FRMD8: variants seen among roughly 807,000 people sequenced by gnomAD.
FRMD8 encodes FERM domain-containing protein 8.
FRMD8 carries 37 observed loss-of-function variants against 54.2 expected under a neutral mutation model. The observed-to-expected ratio is 0.68, with a 90% CI of 0.53 to 0.90. The LOEUF (loss-of-function observed/expected upper bound fraction) is 0.90, where lower values mean the gene tolerates loss of function less well. Ranked by LOEUF, FRMD8 falls within the 40% of genes least tolerant of loss-of-function variation. FRMD8 has a pLI of 0.00. For missense variants in FRMD8, 585 were observed against 653.7 expected (o/e 0.89, Z 1.15); for synonymous variants, 246 against 286.9 (o/e 0.86, Z 1.44).
At chr11:65,385,695 C>T (rs1178806136), upstream of FRMD8, among the ~76,000 whole-genome samples, 1 of 152,212 alleles carries the variant, frequency 6.6e-6, no homozygotes, top group Non-Finnish European at 1.5e-5. Flanking sequence ...GGGAAAACCT[C>T]AAGGTCTCCC....
chr11:65,371,731 C>T, the FRMD8 span, among the ~76,000 whole-genome samples: 1 of 152,230 alleles, frequency 6.6e-6, no homozygotes, highest in Non-Finnish European at 1.5e-5. Flanking sequence ...TCTCCTGCCT[C>T]AGCCTCCCAA....
At chr11:65,376,069 CAAAAAAAAAA>C in the FRMD8 span, 2 of 108,710 alleles carry the variant, frequency 1.8e-5, no homozygotes, top group African/African-American at 5.0e-5. Flanking sequence ...GACTCCATCT[CAAAAAAAAAA>C]AAAAAAAAAA....
At chr11:65,380,204 AG>A in the FRMD8 span, 5 of 1,613,932 alleles carry the variant, frequency 3.1e-6, no homozygotes, top group Non-Finnish European at 4.2e-6. Context: ...GCTATGAGTG[AG>A]GGCCCTCGTG....
chr11:65,382,354 A>C, upstream of FRMD8: 1 of 233,754 alleles, frequency 4.3e-6, no homozygotes, highest in Non-Finnish European at 8.8e-6. The surrounding 1 kb of genome is among the most constrained non-coding windows in gnomAD (Gnocchi z 4.4). Context: ...ATCTCCACCA[A>C]GGGGCATGGC....
At chr11:65,374,305 C>CCCATGTGCCCAGGTGGAGCAGGGTAG in the FRMD8 span, among the ~76,000 whole-genome samples, 11,252 of 145,138 alleles carry the variant, frequency 0.078, 675 homozygotes, top group Non-Finnish European at 0.1. Context: ...GCAGAAGACC[C>CCCATGTGCCCAGGTGGAGCAGGGTAG]CCATGTGCCC....
chr11:65,387,266 C>G (rs765378520), intron 2 of FRMD8, 145 bp downstream of exon 2: 12 of 782,268 alleles, frequency 1.5e-5, no homozygotes, highest in Non-Finnish European at 2.4e-5. Flanking sequence ...GGAAAACTCA[C>G]AGAAGTCAGA....
chr11:65,397,651 G>A (rs760830423), intron 7 of FRMD8, among the ~76,000 whole-genome samples: 18 of 152,242 alleles, frequency 1.2e-4, no homozygotes, highest in Non-Finnish European at 2.5e-4. Flanking sequence ...GGCAGATGGC[G>A]TTGTCCTCCG....
the FRMD8 span, among the ~76,000 whole-genome samples, chr11:65,373,439 C>T: frequency 0.022 from 3,397 of 152,298 alleles, 125 homozygotes; most frequent in African/African-American, 0.078. Context: ...ATCAGGAGCC[C>T]CCAGAACACC....
chr11:65,404,811 A>G lies in FRMD8; in HGVS notation c.1072-53A>G. 6.8e-7 allele frequency: 1 copy of G among 1,472,466 alleles called. No homozygotes were observed. The highest frequency in any genetic ancestry group is 9.4e-7 in the Non-Finnish European group (1 of 1,061,478). The allele number at this position is 1,472,466 out of a possible 1,614,324, so 91.2% of individuals were successfully genotyped here. On this transcript the variant is annotated intron_variant, in intron 9 of 10. Coordinates refer to ENST00000317568, the MANE Select transcript of FRMD8 (RefSeq NM_031904.5). This position sits in a 1 kb window ranked among gnomAD's most constrained non-coding sequence, Gnocchi z 4.7. ...AGCAGAGCTCATTTCAGGCTCAGCA[A>G]CAGGCATGGAAGGGGGCCCTGGCCA...
chr11:65,379,974 TG>T, the FRMD8 span: 4 of 1,612,268 alleles, frequency 2.5e-6, no homozygotes, highest in South Asian at 4.4e-5. Context: ...GGTGGCGGGA[TG>T]GGCAGGTGGG....
chr11:65,376,454 C>A, the FRMD8 span: 5 of 1,614,224 alleles, frequency 3.1e-6, no homozygotes, highest in Non-Finnish European at 4.2e-6. Flanking sequence ...AAGGTGACAG[C>A]ATTGACGGGA....
the FRMD8 span, chr11:65,381,292 G>C: frequency 1.3e-5 from 2 of 153,636 alleles, no homozygotes; most frequent in East Asian, 3.8e-4. Flanking sequence ...CACCGCGCCT[G>C]GCTAATTTTT....
At chr11:65,382,096 C>T (rs1321824698), upstream of FRMD8, 21 of 727,164 alleles carry the variant, frequency 2.9e-5, no homozygotes, top group Non-Finnish European at 3.9e-5. This position sits in a 1 kb window ranked among gnomAD's most constrained non-coding sequence, Gnocchi z 4.4. Context: ...CCCAGACCTC[C>T]GGCAACTGGC....
At chr11:65,376,229 C>T in the FRMD8 span, 1 of 710,874 alleles carries the variant, frequency 1.4e-6, no homozygotes, top group South Asian at 1.9e-5. Context: ...GCACAGGCCC[C>T]CTGGCTTCCG....
the FRMD8 span, chr11:65,380,086 G>A: frequency 6.3e-7 from 1 of 1,590,664 alleles, no homozygotes; most frequent in Admixed American, 1.7e-5. Flanking sequence ...CTGACATTTG[G>A]GTCAGGTGAG....
At chr11:65,377,442 C>A in the FRMD8 span, 1 of 1,053,398 alleles carries the variant, frequency 9.5e-7, no homozygotes, top group Non-Finnish European at 1.1e-6. Context: ...TGGGCAGGGC[C>A]AAGTGAAGGA....
the FRMD8 span, chr11:65,380,522 C>A: frequency 7.2e-7 from 1 of 1,385,810 alleles, no homozygotes; most frequent in Non-Finnish European, 9.5e-7. Context: ...GGAGAATCAC[C>A]CAGGTTCCCA....
the FRMD8 span, among the ~76,000 whole-genome samples, chr11:65,370,632 A>G: frequency 2.0e-4 from 30 of 151,698 alleles, no homozygotes; most frequent in African/African-American, 6.3e-4. Flanking sequence ...CCCGGGAAGC[A>G]GACATCGCAG....
chr11:65,382,223 T>C, upstream of FRMD8: 1 of 533,136 alleles, frequency 1.9e-6, no homozygotes, highest in Non-Finnish European at 3.4e-6. This position sits in a 1 kb window ranked among gnomAD's most constrained non-coding sequence, Gnocchi z 4.4. Flanking sequence ...GCCCGGCCAA[T>C]GATCCTCGCT....
Sources: gnomAD v4.1 joint callset for allele counts (sites outside exome capture counted in the v4.1 genomes callset) on GRCh38, gnomAD v4.1.1 for gene constraint, Gnocchi (gnomAD v3.1) non-coding constraint, MANE v1.5 for transcripts, NCBI Gene and HGNC (gene_info 2026-07-23, HGNC 2026-07-21) for gene names.